SMARCA2: variants seen among roughly 807,000 people sequenced by gnomAD.
The protein encoded by SMARCA2 is SWI/SNF-related matrix-associated actin-dependent regulator of chromatin subfamily A member 2.
In SMARCA2, 61 loss-of-function variants were observed where a neutral mutation model predicts 199.8. The ratio of observed to expected loss-of-function variants is 0.31; its 90% CI spans 0.25 to 0.38. The LOEUF (loss-of-function observed/expected upper bound fraction) is 0.38. SMARCA2 is among the 10% of genes least tolerant of loss of function. The pLI, the probability that SMARCA2 is intolerant of heterozygous loss-of-function variation, is 1.00. For missense variants in SMARCA2, 1,344 were observed against 2,012.2 expected (o/e 0.67, Z 6.35); for synonymous variants, 935 against 732.0 (o/e 1.28, Z -4.48).
chr9:2,159,852 G>A (rs75947616), intron 27 of SMARCA2: 1 of 1,609,506 alleles, frequency 6.2e-7, no homozygotes, highest in South Asian at 1.1e-5. Flanking sequence ...TTGCTGGCTT[G>A]TTAATTTTAT....
chr9:2,118,203 G>A (rs1823296304), intron 25 of SMARCA2, among the ~76,000 whole-genome samples: 1 of 152,174 alleles, frequency 6.6e-6, no homozygotes, highest in Admixed American at 6.5e-5. Flanking sequence ...ATTTTGTACT[G>A]TGAAGTCTGA....
chr9:2,141,721 C>T (rs1418383577), intron 27 of SMARCA2, among the ~76,000 whole-genome samples: 1 of 151,722 alleles, frequency 6.6e-6, no homozygotes, highest in Non-Finnish European at 1.5e-5. Context: ...AGTAATCATC[C>T]AAGCCATCTA....
chr9:2,125,510 G>T (rs1238560898), intron 27 of SMARCA2, among the ~76,000 whole-genome samples: 2 of 131,234 alleles, frequency 1.5e-5, no homozygotes, highest in Non-Finnish European at 3.1e-5. Flanking sequence ...TTTTTTTTGA[G>T]ACAGAGTCTC....
intron 23 of SMARCA2, among the ~76,000 whole-genome samples, chr9:2,109,722 T>C (rs528811237): frequency 5.9e-5 from 9 of 152,244 alleles, no homozygotes; most frequent in Non-Finnish European, 1.5e-5. Context: ...TCATAATTTA[T>C]GTTTTTACCA....
chr9:2,149,244 G>A (rs1824927640), intron 27 of SMARCA2, among the ~76,000 whole-genome samples: 1 of 151,310 alleles, frequency 6.6e-6, no homozygotes, highest in Non-Finnish European at 1.5e-5. Flanking sequence ...CTGGCTGGGT[G>A]TGGTGGCTCA....
intron 21 of SMARCA2, among the ~76,000 whole-genome samples, chr9:2,099,913 G>C (rs900823809): frequency 6.6e-6 from 1 of 152,200 alleles, no homozygotes; most frequent in Non-Finnish European, 1.5e-5. Flanking sequence ...CTTGGAGACA[G>C]GGATGGAGCC....
Position 2,097,425 on chromosome 9 carries a change from A to C in SMARCA2, c.3032A>C (p.Gln1011Pro). The C allele has an allele frequency of 6.2e-7, 1 of 1,612,970 alleles. No individual in the cohort carries two copies. Among genetic ancestry groups the C allele is most frequent in the Non-Finnish European group, 8.5e-7 (1 of 1,179,066 alleles). Residue 1011 changes from glutamine to proline, a missense_variant, in exon 21 of 34, where the codon CAG becomes CCG. Physicochemically the swap from Gln to Pro is moderately conservative, Grantham distance 76. Transcript: ENST00000349721. ...AAGACACTTATGAACACTATTATGCAGTTGAGAAAAATCTGCAACCACCCA... is the reference window on the plus strand; with the variant it reads ...AAGACACTTATGAACACTATTATGCCGTTGAGAAAAATCTGCAACCACCCA... ...GAKTLMNTIM[Q>P]LRKICNHPYM...
rs945572442 is a variant in SMARCA2 at position 2,161,529 on chromosome 9, C to G, written c.3982-157C>G. ...TCCAATATGGTAGCATTCCTTTTTT[C>G]TTCTTCCTCCACTGATTACTGTTAA... On this transcript the variant is annotated intron_variant, in intron 27 of 33. Transcript: ENST00000349721. The surrounding 1 kb of genome is among the most constrained non-coding windows in gnomAD (Gnocchi z 4.7). 6.6e-6 allele frequency among the ~76,000 whole-genome samples: 1 copy of G among 152,034 alleles called. No homozygotes were observed. The highest frequency in any genetic ancestry group is 1.5e-5 in the Non-Finnish European group (1 of 67,982).
intron 1 of SMARCA2, among the ~76,000 whole-genome samples, chr9:2,023,400 T>G (rs77730017): frequency 0.014 from 2,062 of 152,256 alleles, 65 homozygotes; most frequent in African/African-American, 0.047. Flanking sequence ...GAGCAAAGTT[T>G]TAATCTAACA....
Position 2,039,372 on chromosome 9 carries a change from G to A in SMARCA2, c.356-94G>A. On this transcript the variant is annotated intron_variant, in intron 3 of 33. Transcript: ENST00000349721. The surrounding 1 kb of genome is among the most constrained non-coding windows in gnomAD (Gnocchi z 4.8). ...ATGTCATTCAAATTTCTGTCAGACA[G>A]TGTTGCTGTGGACAATTATTAGAGT... is the stretch of plus-strand genomic sequence containing the variant. The A allele has an allele frequency of 2.5e-6, 3 of 1,181,528 alleles. No individual in the cohort carries two copies. The highest frequency in any genetic ancestry group is 3.6e-6 in the Non-Finnish European group (3 of 832,822). 73.2% of individuals were successfully genotyped at this position (1,181,528 alleles called of 1,614,324 possible). A position where few individuals can be genotyped will look rare whatever the true frequency, so the allele number is the denominator to read the frequency against.
At chr9:2,120,479 C>T (rs1823408758) in intron 26 of SMARCA2, among the ~76,000 whole-genome samples, 1 of 152,204 alleles carries the variant, frequency 6.6e-6, no homozygotes. Context: ...TTTTAAAACA[C>T]TGCAACTAAA....
chr9:2,176,182 G>GTTTTTTTTTTTTTTGTTTTT lies in SMARCA2; in HGVS notation c.4254-5375_4254-5374insGTTTTTTTTTTTTTTTTTTT, dbSNP rs1554642562. 3.2e-3 allele frequency among the ~76,000 whole-genome samples: 329 copies of GTTTTTTTTTTTTTTGTTTTT among 104,036 alleles called. 5 individuals carry two copies. Among genetic ancestry groups the GTTTTTTTTTTTTTTGTTTTT allele is most frequent in the African/African-American group, 0.011 (297 of 26,768 alleles). The allele number at this position is 104,036 out of a possible 152,430, so 68.3% of individuals were successfully genotyped here. A position where few individuals can be genotyped will look rare whatever the true frequency, so the allele number is the denominator to read the frequency against. On this transcript the variant is annotated intron_variant, in intron 29 of 33. Transcript: ENST00000349721. Reference sequence around the variant, plus strand: ...AGGCATGAGCCACCGCGCCCGGCCTGTTTTTTTTTTTTTTTTTTTTTATAA... The same window carrying GTTTTTTTTTTTTTTGTTTTT: ...AGGCATGAGCCACCGCGCCCGGCCTGTTTTTTTTTTTTTTGTTTTTTTTTTTTTTTTTTTTTTTTTTATAA...
In SMARCA2 at chr9:2,025,341, CT is replaced by C. The variant is rs1057509477; in HGVS notation, c.-36-3645del. ...TGTATGGGGAGGTTGCTGTGCCCCC[CT>C]CTCCCCAGATACATTTTTGTCATTA... On this transcript the variant is annotated intron_variant, in intron 1 of 33. Coordinates refer to ENST00000349721, the MANE Select transcript of SMARCA2 (RefSeq NM_003070.5). Among the ~76,000 whole-genome samples, 9 of 152,262 alleles carry C rather than the reference CT, an allele frequency of 5.9e-5. No homozygotes were observed. In the East Asian group the frequency reaches 7.7e-4, roughly 13 times the overall value.
chr9:2,034,545 A>T (rs117959681), intron 3 of SMARCA2, among the ~76,000 whole-genome samples: 1 of 152,222 alleles, frequency 6.6e-6, no homozygotes, highest in Non-Finnish European at 1.5e-5. Context: ...ATTAAAATTA[A>T]TATGTAGTTA....
At chr9:2,134,181 G>T (rs1294841520) in intron 27 of SMARCA2, among the ~76,000 whole-genome samples, 3 of 152,204 alleles carry the variant, frequency 2.0e-5, no homozygotes, top group African/African-American at 7.2e-5. Flanking sequence ...AAGACTCGGG[G>T]TGACAAGAGA....
At chr9:2,023,922 T>G (rs1586617746) in intron 1 of SMARCA2, among the ~76,000 whole-genome samples, 2 of 152,334 alleles carry the variant, frequency 1.3e-5, no homozygotes, top group East Asian at 3.9e-4. Context: ...TCCTGAACCT[T>G]GCAGTTCTCC....
At chr9:2,063,638 T>A (rs1820697078) in intron 9 of SMARCA2, among the ~76,000 whole-genome samples, 1 of 152,198 alleles carries the variant, frequency 6.6e-6, no homozygotes, top group African/African-American at 2.4e-5. Context: ...AGCTACTGAT[T>A]ACTCTAAGAA....
chr9:2,051,513 T>C (rs887669659), intron 5 of SMARCA2, among the ~76,000 whole-genome samples: 1 of 152,318 alleles, frequency 6.6e-6, no homozygotes, highest in Admixed American at 6.5e-5. Flanking sequence ...CAGTTCAATG[T>C]GATGTAATCT....
intron 7 of SMARCA2, among the ~76,000 whole-genome samples, chr9:2,057,536 A>C (rs1179028548): frequency 6.6e-6 from 1 of 152,238 alleles, no homozygotes; most frequent in Non-Finnish European, 1.5e-5. Flanking sequence ...TTCTGGGAGC[A>C]GGAACTTGGA....
Sources: gnomAD v4.1 joint callset for allele counts (sites outside exome capture counted in the v4.1 genomes callset) on GRCh38, gnomAD v4.1.1 for gene constraint, Gnocchi (gnomAD v3.1) non-coding constraint, MANE v1.5 for transcripts, NCBI Gene and HGNC (gene_info 2026-07-23, HGNC 2026-07-21) for gene names.